The following MAPK10 variants were observed in gnomAD, a reference collection of about 807,000 sequenced individuals.
The protein encoded by MAPK10 is mitogen-activated protein kinase 10, also known as JNK3 alpha protein kinase.
A neutral mutation model predicts 59.3 loss-of-function variants in MAPK10; 25 were observed. The observed-to-expected ratio is 0.42, with a 90% CI of 0.31 to 0.59. MAPK10 has a LOEUF of 0.59. Ranked by LOEUF, MAPK10 falls within the 20% of genes least tolerant of loss-of-function variation. MAPK10 has a pLI of 0.15. For missense variants in MAPK10, 351 were observed against 568.9 expected (o/e 0.62, Z 3.90); for synonymous variants, 190 against 200.5 (o/e 0.95, Z 0.44).
chr4:86,128,340 T>C (rs1375843358), intron 4 of MAPK10, among the ~76,000 whole-genome samples: 2 of 152,046 alleles, frequency 1.3e-5, no homozygotes, highest in Non-Finnish European at 2.9e-5. Context: ...GTTCCCATAA[T>C]CCCCACGTGT....
intron 2 of MAPK10, among the ~76,000 whole-genome samples, chr4:86,200,150 A>G (rs1411793052): frequency 6.6e-6 from 1 of 152,018 alleles, no homozygotes; most frequent in Non-Finnish European, 1.5e-5. Flanking sequence ...AGTAACCACT[A>G]CTTTGTTAAT....
chr4:86,062,156 A>C (rs1181102929), intron 11 of MAPK10, among the ~76,000 whole-genome samples: 1 of 152,124 alleles, frequency 6.6e-6, no homozygotes, highest in African/African-American at 2.4e-5. Flanking sequence ...TCACTACAAC[A>C]TGTCTAGATG....
chr4:86,323,914 C>T (rs1004704148), intron 2 of MAPK10, among the ~76,000 whole-genome samples: 1 of 152,054 alleles, frequency 6.6e-6, no homozygotes, highest in African/African-American at 2.4e-5. Context: ...ATTTCTTTGC[C>T]ATCATTAGAA....
chr4:86,034,091 CCA>C (rs2039674854), intron 11 of MAPK10, among the ~76,000 whole-genome samples: 1 of 151,950 alleles, frequency 6.6e-6, no homozygotes, highest in African/African-American at 2.4e-5. Context: ...GAAAAATGCC[CCA>C]GAGGTGTCTG....
intron 1 of MAPK10, among the ~76,000 whole-genome samples, chr4:86,570,439 T>C (rs1761367727): frequency 6.6e-6 from 1 of 152,140 alleles, no homozygotes; most frequent in Non-Finnish European, 1.5e-5. Flanking sequence ...TTAGTATACT[T>C]GGTATTATGA....
At chr4:86,069,446 T>G (rs2047359758) in intron 9 of MAPK10, among the ~76,000 whole-genome samples, 1 of 152,030 alleles carries the variant, frequency 6.6e-6, no homozygotes, top group Non-Finnish European at 1.5e-5. Flanking sequence ...CATCTAATTA[T>G]CATGTGCATG....
intron 11 of MAPK10, among the ~76,000 whole-genome samples, chr4:86,050,744 C>T (rs1352222528): frequency 2.0e-5 from 3 of 152,044 alleles, no homozygotes; most frequent in South Asian, 4.1e-4. Context: ...CATGATTAAA[C>T]AGGAATGGTG....
At chr4:86,221,741 G>A (rs760338053) in intron 2 of MAPK10, among the ~76,000 whole-genome samples, 4 of 152,054 alleles carry the variant, frequency 2.6e-5, no homozygotes, top group African/African-American at 4.8e-5. Context: ...GGGTTCAAGG[G>A]ACCCACCCAC....
intron 2 of MAPK10, among the ~76,000 whole-genome samples, chr4:86,206,731 C>T (rs554306198): frequency 3.1e-4 from 47 of 152,190 alleles, no homozygotes; most frequent in Middle Eastern, 6.8e-3. Flanking sequence ...TTTTAATGAT[C>T]GCCATTCTAA....
chr4:86,535,580 G>T (rs1758179575), intron 1 of MAPK10, among the ~76,000 whole-genome samples: 1 of 152,042 alleles, frequency 6.6e-6, no homozygotes, highest in South Asian at 2.1e-4. Context: ...GCCTCCCCAA[G>T]TGCTGGGATT....
At chr4:86,461,002 T>G (rs1001915823) in intron 1 of MAPK10, among the ~76,000 whole-genome samples, 16 of 152,170 alleles carry the variant, frequency 1.1e-4, no homozygotes, top group African/African-American at 3.6e-4. Flanking sequence ...ACCACTGGGT[T>G]AGGGTCTCCA....
intron 2 of MAPK10, among the ~76,000 whole-genome samples, chr4:86,204,248 C>T (rs561549427): frequency 6.6e-6 from 1 of 151,920 alleles, no homozygotes; most frequent in Non-Finnish European, 1.5e-5. Flanking sequence ...AATTTAATGT[C>T]TCCAACCATA....
intron 9 of MAPK10, among the ~76,000 whole-genome samples, chr4:86,086,190 A>T (rs2051790403): frequency 6.6e-6 from 1 of 152,160 alleles, no homozygotes; most frequent in African/African-American, 2.4e-5. Context: ...AAATTAATTT[A>T]AAAAATCAAA....
At chr4:86,255,453 G>C (rs1323152565) in intron 2 of MAPK10, among the ~76,000 whole-genome samples, 1 of 152,150 alleles carries the variant, frequency 6.6e-6, no homozygotes, top group African/African-American at 2.4e-5. Context: ...CATCTCGAGA[G>C]GAAGAGCTGC....
intron 2 of MAPK10, among the ~76,000 whole-genome samples, chr4:86,201,477 C>G (rs576770891): frequency 6.6e-6 from 1 of 151,838 alleles, no homozygotes; most frequent in South Asian, 2.1e-4. Flanking sequence ...TATTTATCTT[C>G]CTTGGTGAAG....
intron 1 of MAPK10, among the ~76,000 whole-genome samples, chr4:86,533,611 T>G (rs1259630228): frequency 6.6e-6 from 1 of 152,132 alleles, no homozygotes; most frequent in Non-Finnish European, 1.5e-5. Context: ...CCTTTGGTCT[T>G]TCTCACTACA....
intron 1 of MAPK10, among the ~76,000 whole-genome samples, chr4:86,465,687 G>GGACC (rs1752136680): frequency 6.6e-6 from 1 of 152,126 alleles, no homozygotes; most frequent in Admixed American, 6.5e-5. Context: ...TGTTTCTCCA[G>GGACC]GACCAAATCA....
Position 86,015,869 on chromosome 4 carries a change from G to A in MAPK10, c.*1359C>T, listed in dbSNP as rs188211415. 6.6e-6 allele frequency: 1 copy of A among 152,218 alleles called. No homozygotes were observed. Among genetic ancestry groups the A allele is most frequent in the East Asian group, 1.9e-4 (1 of 5,184 alleles). The allele number at this position is 152,218 out of a possible 1,614,324, so 9.4% of individuals were successfully genotyped here. A position where few individuals can be genotyped will look rare whatever the true frequency, so the allele number is the denominator to read the frequency against. On this transcript the variant is annotated 3_prime_UTR_variant, in exon 14 of 14. Coordinates refer to ENST00000641462, the MANE Select transcript of MAPK10 (RefSeq NM_138982.4). ...ACATTAAGGAGTCAGGGAAACTCCTGAGGAATAACAATGTCTCTGGAGATG... is the reference window on the plus strand; with the variant it reads ...ACATTAAGGAGTCAGGGAAACTCCTAAGGAATAACAATGTCTCTGGAGATG...
chr4:86,281,735 G>T (rs992549651), intron 2 of MAPK10, among the ~76,000 whole-genome samples: 1 of 151,930 alleles, frequency 6.6e-6, no homozygotes, highest in African/African-American at 2.4e-5. Flanking sequence ...TGTCCCATTT[G>T]CCCAGAACAC....
Sources: gnomAD v4.1 joint callset for allele counts (sites outside exome capture counted in the v4.1 genomes callset) on GRCh38, gnomAD v4.1.1 for gene constraint, MANE v1.5 for transcripts, NCBI Gene and HGNC (gene_info 2026-07-23, HGNC 2026-07-21) for gene names.